The following DIAPH3 variants were observed in gnomAD, a reference collection of about 807,000 sequenced individuals.
DIAPH3 encodes diaphanous related formin 3.
Under a neutral mutation model 144.3 loss-of-function variants are expected in DIAPH3, and 117 were observed. The observed-to-expected ratio is 0.81, with a 90% CI of 0.70 to 0.95. The LOEUF is 0.95. Among genes scored for constraint, DIAPH3 ranks in the 40% least tolerant of loss-of-function variants. DIAPH3 has a pLI of 0.00. For missense variants in DIAPH3, 1,421 were observed against 1,412.7 expected (o/e 1.01, Z -0.09); for synonymous variants, 519 against 488.9 (o/e 1.06, Z -0.81).
intron 25 of DIAPH3, 144 bp downstream of exon 25, chr13:59,810,644 T>C (rs1054941850): frequency 7.6e-6 from 7 of 918,866 alleles, no homozygotes; most frequent in African/African-American, 3.4e-5. Flanking sequence ...AAGAAGACCA[T>C]AAAGAAAGAA....
chr13:59,781,495 C>T (rs1164075754), intron 25 of DIAPH3, among the ~76,000 whole-genome samples: 1 of 152,094 alleles, frequency 6.6e-6, no homozygotes, highest in African/African-American at 2.4e-5. Flanking sequence ...AGCAAAGTGG[C>T]AAAAGGAATT....
chr13:59,687,256 C>G (rs965652955), intron 27 of DIAPH3, among the ~76,000 whole-genome samples: 1 of 152,062 alleles, frequency 6.6e-6, no homozygotes, highest in Non-Finnish European at 1.5e-5. Context: ...ACTGAGCCAT[C>G]CTGACAGTTC....
chr13:59,984,631 A>T (rs1244675878), intron 12 of DIAPH3, among the ~76,000 whole-genome samples: 2 of 150,010 alleles, frequency 1.3e-5, no homozygotes, highest in Non-Finnish European at 3.0e-5. Context: ...AAAAAATGAT[A>T]AAGGGGATAT....
intron 27 of DIAPH3, among the ~76,000 whole-genome samples, chr13:59,715,633 C>T (rs1297927380): frequency 1.3e-5 from 2 of 152,098 alleles, no homozygotes; most frequent in African/African-American, 4.8e-5. Flanking sequence ...ATCTGTTCCC[C>T]TGTTCAGAGG....
At chr13:60,007,938 A>G (rs1197361106) in intron 9 of DIAPH3, among the ~76,000 whole-genome samples, 1 of 152,202 alleles carries the variant, frequency 6.6e-6, no homozygotes, top group Non-Finnish European at 1.5e-5. Context: ...TTAAGAGACT[A>G]ACATAGAATA....
At chr13:59,829,459 T>C (rs1184224672) in intron 24 of DIAPH3, among the ~76,000 whole-genome samples, 1 of 151,854 alleles carries the variant, frequency 6.6e-6, no homozygotes, top group African/African-American at 2.4e-5. Context: ...TATGTAATGA[T>C]AGGCAAGTCA....
chr13:60,118,615 C>G (rs2058757160), intron 2 of DIAPH3, among the ~76,000 whole-genome samples: 1 of 152,140 alleles, frequency 6.6e-6, no homozygotes, highest in African/African-American at 2.4e-5. Context: ...GGGTAAAAAC[C>G]TAACAGCTAA....
At chr13:59,678,187 C>T (rs919927563) in intron 27 of DIAPH3, among the ~76,000 whole-genome samples, 2 of 152,090 alleles carry the variant, frequency 1.3e-5, no homozygotes, top group African/African-American at 2.4e-5. Context: ...TAGAAGCTGA[C>T]GGACTGGCCT....
At chr13:60,019,127 C>A (rs2141008492) in intron 5 of DIAPH3, among the ~76,000 whole-genome samples, 1 of 152,184 alleles carries the variant, frequency 6.6e-6, no homozygotes, top group Non-Finnish European at 1.5e-5. Flanking sequence ...ATTGAGTAGG[C>A]AGGTCTGTAG....
chr13:59,747,322 A>G (rs1245481854), intron 27 of DIAPH3, among the ~76,000 whole-genome samples: 1 of 152,208 alleles, frequency 6.6e-6, no homozygotes, highest in East Asian at 1.9e-4. Flanking sequence ...GAATCTTTCA[A>G]TAAATATTTA....
chr13:59,920,905 A>C (rs2047476336), intron 18 of DIAPH3, among the ~76,000 whole-genome samples: 2 of 151,888 alleles, frequency 1.3e-5, no homozygotes. Context: ...TTCTGACCAC[A>C]ATGGAATAAA....
intron 27 of DIAPH3, among the ~76,000 whole-genome samples, chr13:59,750,550 TGA>T (rs1374459298): frequency 6.6e-6 from 1 of 152,204 alleles, no homozygotes; most frequent in East Asian, 1.9e-4. Flanking sequence ...TCGTTTATGT[TGA>T]GTTTATTTTC....
At chr13:60,137,299 C>T (rs2059309456) in intron 1 of DIAPH3, among the ~76,000 whole-genome samples, 1 of 152,108 alleles carries the variant, frequency 6.6e-6, no homozygotes, top group African/African-American at 2.4e-5. Context: ...CCCATTTAAG[C>T]AATGCATCAA....
At chr13:60,075,944 TAGC>T (rs2057364403) in intron 4 of DIAPH3, among the ~76,000 whole-genome samples, 2 of 152,174 alleles carry the variant, frequency 1.3e-5, no homozygotes, top group African/African-American at 4.8e-5. Flanking sequence ...ACTAAAGAAA[TAGC>T]AGTCCACCCT....
chr13:59,775,227 G>A (rs1431626785), intron 25 of DIAPH3, among the ~76,000 whole-genome samples: 1 of 151,926 alleles, frequency 6.6e-6, no homozygotes, highest in Non-Finnish European at 1.5e-5. Context: ...GTATGGGAGA[G>A]AGTAGTTTTT....
intron 17 of DIAPH3, among the ~76,000 whole-genome samples, chr13:59,926,562 A>C (rs983516823): frequency 6.6e-6 from 1 of 152,282 alleles, no homozygotes; most frequent in East Asian, 1.9e-4. Context: ...TCTTCATAAC[A>C]TATTGGACAT....
chr13:59,690,342 A>G (rs1409972297), intron 27 of DIAPH3, among the ~76,000 whole-genome samples: 1 of 152,190 alleles, frequency 6.6e-6, no homozygotes, highest in East Asian at 1.9e-4. Context: ...CAGGCATAGT[A>G]AAGTTAAACA....
chr13:59,901,202 T>C (rs2046409092), intron 20 of DIAPH3, among the ~76,000 whole-genome samples: 1 of 152,196 alleles, frequency 6.6e-6, no homozygotes, highest in African/African-American at 2.4e-5. Flanking sequence ...CCTTTGTTAA[T>C]AACTCACTAA....
intron 2 of DIAPH3, among the ~76,000 whole-genome samples, chr13:60,126,215 T>G (rs1464450773): frequency 6.6e-6 from 1 of 151,720 alleles, no homozygotes; most frequent in Non-Finnish European, 1.5e-5. Flanking sequence ...AAAGGAAAAA[T>G]TATGCAACCA....
Sources: gnomAD v4.1 joint callset for allele counts (sites outside exome capture counted in the v4.1 genomes callset) on GRCh38, gnomAD v4.1.1 for gene constraint, MANE v1.5 for transcripts, NCBI Gene and HGNC (gene_info 2026-07-23, HGNC 2026-07-21) for gene names.